Variants in HDAC9 observed in about 807,000 individuals in gnomAD.
HDAC9 encodes MEF-2 interacting transcription repressor (MITR) protein.
HDAC9 carries 41 observed loss-of-function variants against 139.4 expected under a neutral mutation model. That is an observed-to-expected ratio of 0.29 (90% CI 0.23 to 0.38). The LOEUF (loss-of-function observed/expected upper bound fraction) is 0.38, where lower values mean the gene tolerates loss of function less well. Ranked by LOEUF, HDAC9 falls within the 10% of genes least tolerant of loss-of-function variation. The probability of loss-of-function intolerance (pLI) is 1.00; values close to 1 mark genes in which losing one functional copy is unlikely to be tolerated. For synonymous variants in HDAC9, 517 were observed against 476.2 expected (o/e 1.09, Z -1.12); for missense variants, 1,147 against 1,297.0 (o/e 0.88, Z 1.78).
intron 2 of HDAC9, among the ~76,000 whole-genome samples, chr7:18,227,559 G>A (rs1004498104): frequency 4.0e-5 from 6 of 151,860 alleles, no homozygotes; most frequent in Non-Finnish European, 8.8e-5. Flanking sequence ...ATAATAATTT[G>A]TTATCAACAT....
At chr7:18,829,637 A>G in intron 19 of HDAC9, 89 bp downstream of exon 19, 1 of 808,202 alleles carries the variant, frequency 1.2e-6, no homozygotes, top group Non-Finnish European at 2.0e-6. Context: ...TCTTGCTTTT[A>G]GCACTTGCAA....
At chr7:18,566,250 A>G (rs1742389026) in intron 2 of HDAC9, among the ~76,000 whole-genome samples, 1 of 152,204 alleles carries the variant, frequency 6.6e-6, no homozygotes, top group Non-Finnish European at 1.5e-5. Flanking sequence ...TTTGACCACA[A>G]CTGAATTTTA....
chr7:18,208,030 A>G (rs1366985695), intron 2 of HDAC9, among the ~76,000 whole-genome samples: 1 of 152,058 alleles, frequency 6.6e-6, no homozygotes, highest in Non-Finnish European at 1.5e-5. Context: ...TGTTATTTTT[A>G]AAAAGCAAAT....
intron 7 of HDAC9, among the ~76,000 whole-genome samples, chr7:18,632,540 G>A (rs576959149): frequency 2.0e-5 from 3 of 152,190 alleles, no homozygotes; most frequent in East Asian, 1.9e-4. Context: ...GAAATGGAAA[G>A]AAAGGAGGAT....
At chr7:18,157,813 G>GAGAGAA (rs1787324315) in intron 1 of HDAC9, among the ~76,000 whole-genome samples, 2 of 80,920 alleles carry the variant, frequency 2.5e-5, no homozygotes, top group African/African-American at 9.3e-5. Context: ...ATGAGAGAGA[G>GAGAGAA]AGAGAGAGAG....
At chr7:18,913,685 C>T (rs1802934891) in intron 22 of HDAC9, among the ~76,000 whole-genome samples, 5 of 151,970 alleles carry the variant, frequency 3.3e-5, no homozygotes, top group Admixed American at 2.6e-4. Context: ...AATGCAGTTT[C>T]ATTCTAGGCA....
chr7:18,963,364 T>G (rs1354919141), intron 24 of HDAC9, among the ~76,000 whole-genome samples: 2 of 152,200 alleles, frequency 1.3e-5, no homozygotes, highest in Non-Finnish European at 2.9e-5. Flanking sequence ...AATTCCTTCC[T>G]GGAGGAATGT....
At position 18,466,949 on chromosome 7, in the gene HDAC9, C is replaced by G. The variant is rs116226342; in HGVS notation, c.-41-29313C>G. Among the ~76,000 whole-genome samples, 1,234 of 152,212 alleles carry G rather than the reference C, an allele frequency of 8.1e-3. 18 individuals are homozygous for G. The highest frequency in any genetic ancestry group is 0.027 in the African/African-American group (1,134 of 41,532). On this transcript the variant is annotated intron_variant, in intron 1 of 3. Coordinates refer to the HDAC9 transcript ENST00000413509. ...TTTCCCTCCCTCTTTTATAAAATATCTATTCATTCTTATGCTTGACTATTT... is the reference window on the plus strand; with the variant it reads ...TTTCCCTCCCTCTTTTATAAAATATGTATTCATTCTTATGCTTGACTATTT...
intron 16 of HDAC9, among the ~76,000 whole-genome samples, chr7:18,776,977 T>C (rs1485610362): frequency 6.6e-6 from 1 of 151,476 alleles, no homozygotes; most frequent in African/African-American, 2.4e-5. Flanking sequence ...TTCTGACAAC[T>C]GGATTGAGGT....
chr7:18,087,435 G>A (rs1781870226), intron 1 of HDAC9, among the ~76,000 whole-genome samples: 1 of 152,206 alleles, frequency 6.6e-6, no homozygotes, highest in South Asian at 2.1e-4. Flanking sequence ...GGTCATCTTT[G>A]TGGCATGCAG....
At chr7:18,926,774 G>T (rs1000618403) in intron 22 of HDAC9, among the ~76,000 whole-genome samples, 1 of 152,114 alleles carries the variant, frequency 6.6e-6, no homozygotes, top group Non-Finnish European at 1.5e-5. Context: ...TGTTGTTTCA[G>T]ACTTTTTTTA....
At chr7:18,245,017 C>CTATCTATCTATCTATCT (rs1489077564) in intron 2 of HDAC9, among the ~76,000 whole-genome samples, 1 of 152,006 alleles carries the variant, frequency 6.6e-6, no homozygotes, top group Non-Finnish European at 1.5e-5. Context: ...ATCTATCTAT[C>CTATCTATCTATCTATCT]TATCTATTGA....
chr7:18,270,057 C>T (rs1465331442), intron 2 of HDAC9, among the ~76,000 whole-genome samples: 1 of 152,048 alleles, frequency 6.6e-6, no homozygotes, highest in African/African-American at 2.4e-5. Context: ...TCCCTGGCTT[C>T]TATCTACTGG....
intron 1 of HDAC9, among the ~76,000 whole-genome samples, chr7:18,365,350 A>G (rs1784097733): frequency 6.6e-6 from 1 of 152,132 alleles, no homozygotes; most frequent in Non-Finnish European, 1.5e-5. Context: ...TAATATTAAC[A>G]GATAAGAGCT....
At chr7:18,983,751 T>C (rs1261887217) in intron 25 of HDAC9, among the ~76,000 whole-genome samples, 1 of 152,192 alleles carries the variant, frequency 6.6e-6, no homozygotes, top group African/African-American at 2.4e-5. Context: ...TCACCTACAC[T>C]TGGTAAAATC....
chr7:18,220,286 T>C (rs1429417588), intron 2 of HDAC9, among the ~76,000 whole-genome samples: 2 of 152,160 alleles, frequency 1.3e-5, no homozygotes, highest in African/African-American at 4.8e-5. Context: ...AATTATCGCA[T>C]TGCTATAAAA....
intron 1 of HDAC9, among the ~76,000 whole-genome samples, chr7:18,374,754 C>A (rs1010739101): frequency 3.3e-5 from 5 of 151,890 alleles, no homozygotes; most frequent in Non-Finnish European, 7.4e-5. Context: ...TATTTAGATC[C>A]TCTGCTGTTG....
intron 1 of HDAC9, among the ~76,000 whole-genome samples, chr7:18,128,269 T>C (rs1237589555): frequency 6.6e-6 from 1 of 152,074 alleles, no homozygotes; most frequent in African/African-American, 2.4e-5. Context: ...GGACTTTAAC[T>C]GGGGCCTCAA....
At chr7:18,681,064 T>C (rs1175722962) in intron 12 of HDAC9, among the ~76,000 whole-genome samples, 1 of 152,046 alleles carries the variant, frequency 6.6e-6, no homozygotes, top group Non-Finnish European at 1.5e-5. Flanking sequence ...TTTTCTACTA[T>C]TTTGTTGGTA....
Sources: gnomAD v4.1 joint callset for allele counts (sites outside exome capture counted in the v4.1 genomes callset) on GRCh38, gnomAD v4.1.1 for gene constraint, MANE v1.5 for transcripts, NCBI Gene and HGNC (gene_info 2026-07-23, HGNC 2026-07-21) for gene names.